The following TPRG1 variants were observed in gnomAD, a reference collection of about 807,000 sequenced individuals.
TPRG1 encodes the protein tumor protein p63-regulated gene 1 protein.
A neutral mutation model predicts 29.3 loss-of-function variants in TPRG1; 29 were observed. That is an observed-to-expected ratio of 0.99 (90% CI 0.74 to 1.35). The LOEUF (loss-of-function observed/expected upper bound fraction) is 1.35, where lower values mean the gene tolerates loss of function less well. Among genes scored for constraint, TPRG1 ranks in the 40% most tolerant of loss-of-function variants. The probability of loss-of-function intolerance (pLI) is 0.00; values close to 1 mark genes in which losing one functional copy is unlikely to be tolerated. For synonymous variants in TPRG1, 130 were observed against 116.8 expected (o/e 1.11, Z -0.73); for missense variants, 327 against 335.0 (o/e 0.98, Z 0.19).
intron 3 of TPRG1, among the ~76,000 whole-genome samples, chr3:189,023,254 G>T (rs936091717): frequency 6.6e-6 from 1 of 152,016 alleles, no homozygotes. Flanking sequence ...GCTCCTCCCC[G>T]AGCTCTGAGA....
At chr3:189,268,552 G>A (rs1027568240) in intron 4 of TPRG1, among the ~76,000 whole-genome samples, 1 of 152,140 alleles carries the variant, frequency 6.6e-6, no homozygotes, top group Non-Finnish European at 1.5e-5. Flanking sequence ...TCCCTGCTGG[G>A]GAATGCCTGA....
intron 4 of TPRG1, among the ~76,000 whole-genome samples, chr3:189,244,451 G>T (rs985573796): frequency 1.3e-5 from 2 of 151,998 alleles, no homozygotes; most frequent in East Asian, 1.9e-4. Context: ...GGTTTAATTG[G>T]TTCAGAGTTC....
chr3:189,172,922 T>C (rs1482926765), intron 1 of TPRG1, among the ~76,000 whole-genome samples: 2 of 152,190 alleles, frequency 1.3e-5, no homozygotes, highest in Non-Finnish European at 2.9e-5. Context: ...TGGGGAAATA[T>C]TTTAGCTTTT....
intron 4 of TPRG1, among the ~76,000 whole-genome samples, chr3:189,294,636 A>G (rs555253338): frequency 6.6e-6 from 1 of 152,220 alleles, no homozygotes; most frequent in African/African-American, 2.4e-5. Context: ...AATAGACCAA[A>G]GACAATACTT....
chr3:189,070,017 G>T (rs1425995208), intron 4 of TPRG1, among the ~76,000 whole-genome samples: 1 of 152,118 alleles, frequency 6.6e-6, no homozygotes, highest in East Asian at 1.9e-4. Flanking sequence ...GGAGGTGGAG[G>T]TTGCAGTGAG....
intron 5 of TPRG1, among the ~76,000 whole-genome samples, chr3:189,156,182 C>A (rs1288645759): frequency 2.0e-5 from 3 of 152,014 alleles, no homozygotes; most frequent in Non-Finnish European, 4.4e-5. Context: ...ATGGAAGAAA[C>A]AGAGACAGAA....
At chr3:189,017,819 G>T (rs112438178) in intron 3 of TPRG1, among the ~76,000 whole-genome samples, 4 of 152,184 alleles carry the variant, frequency 2.6e-5, no homozygotes, top group African/African-American at 7.2e-5. Context: ...ACTTCCACAA[G>T]GGATGAACTA....
chr3:189,291,435 T>C lies in TPRG1; in HGVS notation c.480-18951T>C, dbSNP rs543740737. Among the ~76,000 whole-genome samples, 112 of 152,320 alleles carry C rather than the reference T, an allele frequency of 7.4e-4. 1 individual carries two copies. The highest frequency in any genetic ancestry group is 2.6e-3 in the African/African-American group (110 of 41,568). ...GCTCTTCATAGGGTGATTCTGAGGATTAAATGAGAAAGCCATGCAGTACAT... is the reference window on the plus strand; with the variant it reads ...GCTCTTCATAGGGTGATTCTGAGGACTAAATGAGAAAGCCATGCAGTACAT... On this transcript the variant is annotated intron_variant, in intron 4 of 5. Coordinates refer to ENST00000345063, the MANE Select transcript of TPRG1 (RefSeq NM_198485.4).
At chr3:189,120,337 G>A (rs1252085737) in intron 1 of TPRG1, 1 of 152,192 alleles carries the variant, frequency 6.6e-6, no homozygotes. Flanking sequence ...GCTTTTAGAA[G>A]AAGAGAAGTT....
rs149175143 is a variant in TPRG1 at position 189,316,421 on chromosome 3, A to G, written c.634-4205A>G. On this transcript the variant is annotated intron_variant, in intron 5 of 5. Transcript: ENST00000345063. ...TGGAGACTTCCTTCCATACACAGGG[A>G]GGCTGAAACCTGTAGCCTGCAGGCT... 1.8e-3 allele frequency among the ~76,000 whole-genome samples: 276 copies of G among 152,304 alleles called. 1 individual carries two copies. Among genetic ancestry groups the G allele is most frequent in the Non-Finnish European group, 3.4e-3 (233 of 68,026 alleles).
intron 1 of TPRG1, among the ~76,000 whole-genome samples, chr3:189,109,346 C>T (rs753787503): frequency 5.3e-5 from 8 of 152,292 alleles, no homozygotes; most frequent in South Asian, 2.1e-4. Context: ...GTAAGAGTGA[C>T]GTGGAAACAA....
chr3:189,111,220 C>T (rs913960935), intron 1 of TPRG1, among the ~76,000 whole-genome samples: 3 of 151,972 alleles, frequency 2.0e-5, no homozygotes, highest in African/African-American at 7.2e-5. Context: ...TAGTATATAT[C>T]TCCTTTTATT....
intron 1 of TPRG1, among the ~76,000 whole-genome samples, chr3:189,200,721 A>G (rs1733337517): frequency 6.6e-6 from 1 of 152,224 alleles, no homozygotes; most frequent in South Asian, 2.1e-4. Flanking sequence ...CCGTAATTTC[A>G]TTCTTTATTT....
At chr3:189,068,370 C>G (rs188693862) in intron 4 of TPRG1, among the ~76,000 whole-genome samples, 132 of 152,212 alleles carry the variant, frequency 8.7e-4, no homozygotes, top group African/African-American at 3.1e-3. Context: ...TCACAACATG[C>G]GCTATTTGCA....
intron 3 of TPRG1, among the ~76,000 whole-genome samples, chr3:189,008,189 T>A (rs1419594655): frequency 6.6e-6 from 1 of 151,482 alleles, no homozygotes; most frequent in Non-Finnish European, 1.5e-5. Flanking sequence ...TGTGTGTGAG[T>A]GGTGAGAGGG....
intron 5 of TPRG1, among the ~76,000 whole-genome samples, chr3:189,317,148 G>A (rs910803154): frequency 3.3e-5 from 5 of 152,172 alleles, no homozygotes; most frequent in African/African-American, 1.2e-4. Context: ...GCCAGAGGAA[G>A]CATTCAGTAA....
At chr3:189,235,564 G>C (rs2108926594) in intron 3 of TPRG1, among the ~76,000 whole-genome samples, 2 of 152,268 alleles carry the variant, frequency 1.3e-5, no homozygotes, top group South Asian at 4.2e-4. Flanking sequence ...GACACTGAAA[G>C]GGGACAAGGG....
At chr3:189,015,555 C>T (rs1419192859) in intron 3 of TPRG1, among the ~76,000 whole-genome samples, 8 of 152,192 alleles carry the variant, frequency 5.3e-5, no homozygotes, top group Non-Finnish European at 7.3e-5. Flanking sequence ...CACAGACCTT[C>T]GTGACAGCCC....
intron 4 of TPRG1, among the ~76,000 whole-genome samples, chr3:189,276,721 T>G (rs1716206958): frequency 6.6e-6 from 1 of 152,170 alleles, no homozygotes; most frequent in Non-Finnish European, 1.5e-5. Context: ...TTGGCTTGGC[T>G]CATGGCTGTT....
Sources: gnomAD v4.1 joint callset for allele counts (sites outside exome capture counted in the v4.1 genomes callset) on GRCh38, gnomAD v4.1.1 for gene constraint, MANE v1.5 for transcripts, NCBI Gene and HGNC (gene_info 2026-07-23, HGNC 2026-07-21) for gene names.